The following NRG3 variants were observed in gnomAD, a reference collection of about 807,000 sequenced individuals.
The protein encoded by NRG3 is neuregulin 3.
Under a neutral mutation model 66.9 loss-of-function variants are expected in NRG3, and 31 were observed. The ratio of observed to expected loss-of-function variants is 0.46; its 90% confidence interval spans 0.35 to 0.63. NRG3 has a LOEUF of 0.63. Ranked by LOEUF, NRG3 falls within the 20% of genes least tolerant of loss-of-function variation. NRG3 has a pLI of 0.00. For synonymous variants in NRG3, 393 were observed against 359.4 expected, an observed-to-expected ratio of 1.09 and a Z score of -1.06; for missense variants, 910 against 878.9, an observed-to-expected ratio of 1.04 and a Z score of -0.45.
intron 1 of NRG3, among the ~76,000 whole-genome samples, chr10:81,965,350 A>G (rs549933868): frequency 2.2e-4 from 34 of 152,316 alleles, no homozygotes; most frequent in African/African-American, 8.2e-4. Flanking sequence ...CAGATGTGTA[A>G]TATAGATCCA....
chr10:82,019,808 T>A (rs1036259763), intron 1 of NRG3, among the ~76,000 whole-genome samples: 2 of 152,164 alleles, frequency 1.3e-5, no homozygotes, highest in Admixed American at 1.3e-4. Context: ...TTTTATTGTG[T>A]CTATTTGATT....
chr10:82,605,542 A>G (rs1479737008), intron 2 of NRG3, among the ~76,000 whole-genome samples: 1 of 151,858 alleles, frequency 6.6e-6, no homozygotes, highest in African/African-American at 2.4e-5. Flanking sequence ...TTCCTTTTTC[A>G]TAATGTCTTT....
intron 2 of NRG3, among the ~76,000 whole-genome samples, chr10:82,681,882 C>G (rs2054133281): frequency 6.6e-6 from 1 of 152,226 alleles, no homozygotes; most frequent in South Asian, 2.1e-4. Flanking sequence ...TTCTAATACA[C>G]CAGTGCTTGG....
intron 3 of NRG3, among the ~76,000 whole-genome samples, chr10:82,762,626 T>C (rs1240862234): frequency 3.3e-5 from 5 of 152,194 alleles, no homozygotes. Flanking sequence ...TGTGTCTGTG[T>C]ATACTTGATT....
chr10:82,824,129 T>C (rs2062076802), intron 3 of NRG3, among the ~76,000 whole-genome samples: 1 of 152,212 alleles, frequency 6.6e-6, no homozygotes, highest in South Asian at 2.1e-4. Context: ...CTTATTATAC[T>C]TACGTAGCCT....
intron 4 of NRG3, among the ~76,000 whole-genome samples, chr10:82,940,757 GT>G (rs1418454207): frequency 5.9e-5 from 9 of 151,970 alleles, no homozygotes; most frequent in Non-Finnish European, 1.3e-4. Context: ...GCTTCCTTGA[GT>G]TTATTTTATA....
At chr10:82,765,897 A>C (rs2059495995) in intron 3 of NRG3, among the ~76,000 whole-genome samples, 1 of 152,172 alleles carries the variant, frequency 6.6e-6, no homozygotes, top group Admixed American at 6.6e-5. Context: ...GTCATCTCTA[A>C]GTAATAAAAT....
At chr10:81,899,424 G>A (rs995558463) in intron 1 of NRG3, among the ~76,000 whole-genome samples, 2 of 152,182 alleles carry the variant, frequency 1.3e-5, no homozygotes, top group African/African-American at 4.8e-5. Context: ...GGTGCAAACC[G>A]GCATCCCAGC....
chr10:82,934,588 C>T (rs1847885261), intron 4 of NRG3, among the ~76,000 whole-genome samples: 1 of 152,202 alleles, frequency 6.6e-6, no homozygotes, highest in Non-Finnish European at 1.5e-5. Context: ...CTGAGGCACA[C>T]TTATCACCAA....
chr10:81,968,965 A>G (rs1295873894), intron 1 of NRG3, among the ~76,000 whole-genome samples: 1 of 152,182 alleles, frequency 6.6e-6, no homozygotes, highest in Admixed American at 6.5e-5. Flanking sequence ...GCCAGATTAG[A>G]GTAGCCCTGG....
At chr10:82,048,755 A>G (rs936338898) in intron 1 of NRG3, among the ~76,000 whole-genome samples, 2 of 151,866 alleles carry the variant, frequency 1.3e-5, no homozygotes, top group Non-Finnish European at 2.9e-5. Context: ...AAATCAGAGC[A>G]GAACTGAAGG....
chr10:82,077,080 G>A (rs1485913869), intron 1 of NRG3, among the ~76,000 whole-genome samples: 1 of 152,050 alleles, frequency 6.6e-6, no homozygotes, highest in Non-Finnish European at 1.5e-5. Context: ...AAATAACACA[G>A]CCATTTATAA....
intron 2 of NRG3, among the ~76,000 whole-genome samples, chr10:82,399,339 T>G (rs921705818): frequency 2.6e-5 from 4 of 152,170 alleles, no homozygotes; most frequent in Non-Finnish European, 5.9e-5. Flanking sequence ...CAAAATATCT[T>G]TCTTAAGATG....
chr10:82,492,701 G>A lies in NRG3; in HGVS notation c.953+133833G>A, dbSNP rs147450316. Among the ~76,000 whole-genome samples, 696 of 152,346 alleles carry A rather than the reference G, an allele frequency of 4.6e-3. 10 individuals are homozygous for A. The highest frequency in any genetic ancestry group is 0.016 in the African/African-American group (658 of 41,576). ...TTCACATTGCACCAAATTGGGCAGA[G>A]ACGAATAGCAAACCTTGGTCTTTTG... is the stretch of plus-strand genomic sequence containing the variant. On this transcript the variant is annotated intron_variant, in intron 2 of 8. Transcript: ENST00000372141.
At chr10:82,276,168 A>G (rs1412123200) in intron 1 of NRG3, among the ~76,000 whole-genome samples, 1 of 152,030 alleles carries the variant, frequency 6.6e-6, no homozygotes, top group Non-Finnish European at 1.5e-5. Flanking sequence ...CATAATGGAT[A>G]CACACGAGTA....
At chr10:82,279,515 C>A (rs1039647990) in intron 1 of NRG3, among the ~76,000 whole-genome samples, 1 of 152,100 alleles carries the variant, frequency 6.6e-6, no homozygotes. Context: ...TGACTGAAAA[C>A]CTTTTATACT....
intron 1 of NRG3, among the ~76,000 whole-genome samples, chr10:82,195,634 C>T (rs1008553298): frequency 4.6e-5 from 7 of 151,984 alleles, no homozygotes; most frequent in Admixed American, 1.3e-4. Flanking sequence ...TGCCCCAACC[C>T]CCAGAACATG....
intron 2 of NRG3, among the ~76,000 whole-genome samples, chr10:82,363,517 G>A (rs1340160142): frequency 3.3e-5 from 5 of 152,170 alleles, no homozygotes; most frequent in Middle Eastern, 3.2e-3. Flanking sequence ...GTGCGGTGGC[G>A]TGATCTAGGC....
At chr10:82,148,235 C>T (rs1309499457) in intron 1 of NRG3, among the ~76,000 whole-genome samples, 1 of 152,092 alleles carries the variant, frequency 6.6e-6, no homozygotes, top group Admixed American at 6.5e-5. Context: ...GGGTGGCTCA[C>T]ACTTGCAATC....
Sources: gnomAD v4.1 joint callset for allele counts (sites outside exome capture counted in the v4.1 genomes callset) on GRCh38, gnomAD v4.1.1 for gene constraint, MANE v1.5 for transcripts, NCBI Gene and HGNC (gene_info 2026-07-23, HGNC 2026-07-21) for gene names.